Variants in ASTN2 observed in about 807,000 individuals in gnomAD.
ASTN2 encodes the protein astrotactin-2.
ASTN2 carries 54 observed loss-of-function variants against 139.8 expected under a neutral mutation model. The observed-to-expected ratio is 0.39, with a 90% confidence interval of 0.31 to 0.48. ASTN2 has a LOEUF of 0.48. ASTN2 is among the 20% of genes least tolerant of loss of function. ASTN2 has a pLI of 0.95. For missense variants in ASTN2, 1,565 were observed against 1,725.1 expected, an observed-to-expected ratio of 0.91 and a Z score of 1.64; for synonymous variants, 756 against 719.5, an observed-to-expected ratio of 1.05 and a Z score of -0.81.
rs755369327 is a variant in ASTN2 at position 116,976,815 on chromosome 9, TA to T, written c.1592-31del. On this transcript the variant is annotated intron_variant, in intron 7 of 22. Coordinates refer to ENST00000313400, the MANE Select transcript of ASTN2 (RefSeq NM_001365068.1). The stretch of plus-strand genomic sequence containing the variant: ...AAGTGAAAAGAAAAAAGATTATTGT[TA>T]AGTAGAGTCTCCCCAAATAGGCTTT... The T allele has an allele frequency of 2.6e-5, 41 of 1,594,604 alleles. No homozygotes were observed. The Middle Eastern group carries it at 6.6e-4, about 26-fold the overall frequency.
At chr9:117,135,132 A>G (rs1829920364) in intron 4 of ASTN2, among the ~76,000 whole-genome samples, 2 of 152,236 alleles carry the variant, frequency 1.3e-5, no homozygotes, top group South Asian at 4.1e-4. Context: ...CTAGGTAGGT[A>G]TAATTTCACA....
chr9:116,661,221 A>AC (rs1858539883), intron 16 of ASTN2, among the ~76,000 whole-genome samples: 1 of 152,018 alleles, frequency 6.6e-6, no homozygotes, highest in African/African-American at 2.4e-5. Flanking sequence ...GGAGGCTGAA[A>AC]AAAAAAGGTC....
At chr9:116,694,693 G>C (rs981780880) in intron 16 of ASTN2, among the ~76,000 whole-genome samples, 1 of 147,678 alleles carries the variant, frequency 6.8e-6, no homozygotes, top group Non-Finnish European at 1.5e-5. Context: ...GGATGGTCTC[G>C]ATCTCCTGAC....
intron 20 of ASTN2, among the ~76,000 whole-genome samples, chr9:116,446,299 A>G: frequency 6.6e-6 from 1 of 151,148 alleles, no homozygotes; most frequent in Non-Finnish European, 1.5e-5. Flanking sequence ...AGAGAGAGAG[A>G]GAGAGAGAGA....
At chr9:116,757,801 G>A (rs939469050) in intron 13 of ASTN2, among the ~76,000 whole-genome samples, 7 of 152,132 alleles carry the variant, frequency 4.6e-5, no homozygotes, top group African/African-American at 1.7e-4. Flanking sequence ...TGGCCCAGTG[G>A]ATGAGACCAA....
intron 1 of ASTN2, among the ~76,000 whole-genome samples, chr9:117,319,851 C>T (rs900190696): frequency 6.6e-6 from 1 of 152,114 alleles, no homozygotes; most frequent in Non-Finnish European, 1.5e-5. Context: ...GGCGGTAATT[C>T]CCAAAACCCA....
At chr9:117,212,807 G>A (rs1291855929) in intron 3 of ASTN2, among the ~76,000 whole-genome samples, 1 of 152,168 alleles carries the variant, frequency 6.6e-6, no homozygotes, top group Non-Finnish European at 1.5e-5. Context: ...TGAGAATGCG[G>A]AGAAAAGAAA....
intron 16 of ASTN2, among the ~76,000 whole-genome samples, chr9:116,660,761 C>CA (rs1028914278): frequency 6.6e-6 from 1 of 152,128 alleles, no homozygotes; most frequent in African/African-American, 2.4e-5. Context: ...TGCGTAAGTC[C>CA]AAAACTGTTG....
intron 20 of ASTN2, among the ~76,000 whole-genome samples, chr9:116,462,387 T>C (rs1848514321): frequency 6.6e-6 from 1 of 152,200 alleles, no homozygotes; most frequent in African/African-American, 2.4e-5. Context: ...ACAGCTTGGC[T>C]TCAGAGCCAG....
intron 7 of ASTN2, among the ~76,000 whole-genome samples, chr9:116,999,544 CTTTCTTTTTTTTTTTT>C (rs1837128019): frequency 9.6e-6 from 1 of 103,704 alleles, no homozygotes; most frequent in African/African-American, 4.0e-5. Context: ...TTCTTTCTCT[CTTTCTTTTTTTTTTTT>C]TTTTTTTTTT....
At chr9:116,906,213 T>A (rs923093474) in intron 10 of ASTN2, among the ~76,000 whole-genome samples, 5 of 151,958 alleles carry the variant, frequency 3.3e-5, no homozygotes, top group Admixed American at 3.3e-4. Context: ...ATAACATAAG[T>A]GATAAGGATC....
At chr9:116,615,621 A>G (rs2131814164) in intron 19 of ASTN2, among the ~76,000 whole-genome samples, 1 of 152,040 alleles carries the variant, frequency 6.6e-6, no homozygotes, top group African/African-American at 2.4e-5. Context: ...AAACTATCAC[A>G]AGGACAGAAA....
intron 1 of ASTN2, among the ~76,000 whole-genome samples, chr9:117,296,760 C>T (rs1459710457): frequency 6.6e-6 from 1 of 152,224 alleles, no homozygotes; most frequent in African/African-American, 2.4e-5. Flanking sequence ...CCCTCCCACC[C>T]TGGATAGCTT....
intron 16 of ASTN2, among the ~76,000 whole-genome samples, chr9:116,720,395 C>A (rs958068482): frequency 6.6e-6 from 1 of 152,170 alleles, no homozygotes; most frequent in African/African-American, 2.4e-5. Context: ...TAGAGAATGT[C>A]CTTCCACAGG....
chr9:116,801,306 G>C (rs1830838757), intron 13 of ASTN2, among the ~76,000 whole-genome samples: 1 of 152,062 alleles, frequency 6.6e-6, no homozygotes, highest in Non-Finnish European at 1.5e-5. Context: ...TTTACGGCTG[G>C]GCGGGGTGGC....
intron 10 of ASTN2, among the ~76,000 whole-genome samples, chr9:116,964,213 T>TGGGG (rs758835935): frequency 6.6e-5 from 8 of 121,096 alleles, no homozygotes; most frequent in South Asian, 3.0e-4. Context: ...TAGACTGCCC[T>TGGGG]GGGGTGTGTG....
intron 2 of ASTN2, among the ~76,000 whole-genome samples, chr9:117,233,486 C>A (rs1168668518): frequency 2.6e-5 from 4 of 152,086 alleles, no homozygotes; most frequent in African/African-American, 4.8e-5. Flanking sequence ...TTACTAAGGG[C>A]TATCTATGTA....
chr9:117,178,221 G>A (rs1830966039), intron 3 of ASTN2, among the ~76,000 whole-genome samples: 1 of 152,050 alleles, frequency 6.6e-6, no homozygotes, highest in Non-Finnish European at 1.5e-5. Context: ...ATGCATTCAT[G>A]TAACAAATGT....
chr9:116,589,283 T>G (rs7849245), intron 19 of ASTN2, among the ~76,000 whole-genome samples: 68,360 of 152,056 alleles, frequency 0.45, 15,992 homozygotes, highest in East Asian at 0.7. Flanking sequence ...AGAAATTCAT[T>G]AAATAATTGC....
Sources: allele counts gnomAD v4.1 joint callset (sites outside exome capture counted in the v4.1 genomes callset), GRCh38; gene constraint gnomAD v4.1.1; transcripts MANE v1.5; gene names NCBI Gene and HGNC (gene_info 2026-07-23, HGNC 2026-07-21).